Variants in TENM3 observed in about 807,000 individuals in gnomAD.
The protein encoded by TENM3 is teneurin transmembrane protein 3, also known as teneurin-3.
A neutral mutation model predicts 255.1 loss-of-function variants in TENM3; 63 were observed. That is an observed-to-expected ratio of 0.25 (90% CI 0.20 to 0.30). TENM3 has a LOEUF of 0.30. Ranked by LOEUF, TENM3 falls within the 10% of genes least tolerant of loss-of-function variation. The pLI is 1.00. For synonymous variants in TENM3, 1,306 were observed against 1,322.3 expected (o/e 0.99, Z 0.27); for missense variants, 2,929 against 3,461.1 (o/e 0.85, Z 3.86).
intron 4 of TENM3, among the ~76,000 whole-genome samples, chr4:182,602,982 C>T (rs62339118): frequency 0.12 from 18,369 of 152,086 alleles, 1,929 homozygotes; most frequent in East Asian, 0.54. Flanking sequence ...TTATAAAACA[C>T]AAAAGCCTCA....
At chr4:181,571,471 G>A in the TENM3 span, among the ~76,000 whole-genome samples, 132 of 151,952 alleles carry the variant, frequency 8.7e-4, no homozygotes, top group Non-Finnish European at 1.5e-3. Flanking sequence ...TGAGTAGCTG[G>A]GACTACAGGT....
intron 13 of TENM3, among the ~76,000 whole-genome samples, chr4:182,725,984 A>G (rs1432946043): frequency 6.6e-6 from 1 of 152,178 alleles, no homozygotes; most frequent in Non-Finnish European, 1.5e-5. Context: ...AGAAATAAAC[A>G]TGCAGTTTCA....
the TENM3 span, among the ~76,000 whole-genome samples, chr4:182,119,534 C>A: frequency 2.0e-5 from 3 of 152,062 alleles, no homozygotes; most frequent in African/African-American, 7.2e-5. Context: ...TATGTACCTG[C>A]CCATTTATCT....
the TENM3 span, among the ~76,000 whole-genome samples, chr4:181,615,391 A>G: frequency 6.6e-6 from 1 of 152,198 alleles, no homozygotes; most frequent in African/African-American, 2.4e-5. Flanking sequence ...CTATCACTTA[A>G]TGAATATCCC....
chr4:181,990,822 C>T, the TENM3 span, among the ~76,000 whole-genome samples: 1 of 152,040 alleles, frequency 6.6e-6, no homozygotes, highest in Non-Finnish European at 1.5e-5. Context: ...GAATGCCAAG[C>T]AGACAATTTG....
chr4:181,670,560 CA>C, the TENM3 span, among the ~76,000 whole-genome samples: 1 of 152,070 alleles, frequency 6.6e-6, no homozygotes, highest in Non-Finnish European at 1.5e-5. Flanking sequence ...AAAATACTAG[CA>C]ATATTAAGTA....
the TENM3 span, among the ~76,000 whole-genome samples, chr4:181,839,923 A>T: frequency 6.6e-6 from 1 of 151,910 alleles, no homozygotes; most frequent in Admixed American, 6.6e-5. Flanking sequence ...AAATTGATTG[A>T]CGTCTTTTCA....
the TENM3 span, among the ~76,000 whole-genome samples, chr4:181,671,828 C>T: frequency 0.15 from 22,889 of 151,910 alleles, 2,379 homozygotes; most frequent in Non-Finnish European, 0.22. Context: ...TAACATGATT[C>T]CTTCTGATGC....
chr4:182,392,026 C>T (rs576777185), intron 3 of TENM3, among the ~76,000 whole-genome samples: 10 of 152,284 alleles, frequency 6.6e-5, no homozygotes, highest in African/African-American at 2.4e-4. Flanking sequence ...AGATTTTTCC[C>T]CATTTTTAGT....
At chr4:181,461,582 G>A in the TENM3 span, among the ~76,000 whole-genome samples, 2 of 151,976 alleles carry the variant, frequency 1.3e-5, no homozygotes, top group South Asian at 4.2e-4. Context: ...CTTCATTTTG[G>A]ATTATTTCTA....
intron 3 of TENM3, among the ~76,000 whole-genome samples, chr4:182,423,562 T>A (rs1239877082): frequency 6.6e-6 from 1 of 152,118 alleles, no homozygotes; most frequent in Non-Finnish European, 1.5e-5. Context: ...AACTAAAAGT[T>A]AGAAATGAGC....
the TENM3 span, among the ~76,000 whole-genome samples, chr4:181,470,113 A>AC: frequency 8.2e-6 from 1 of 122,044 alleles, no homozygotes; most frequent in Non-Finnish European, 1.9e-5. Flanking sequence ...TTCTGTAAAA[A>AC]AAAAAAAAAA....
intron 3 of TENM3, among the ~76,000 whole-genome samples, chr4:182,579,288 A>G (rs912125897): frequency 2.6e-5 from 4 of 152,210 alleles, no homozygotes; most frequent in Non-Finnish European, 4.4e-5. Context: ...CTCAGAGCAC[A>G]TATCTAGTCA....
chr4:181,929,041 G>A, the TENM3 span, among the ~76,000 whole-genome samples: 1 of 151,988 alleles, frequency 6.6e-6, no homozygotes, highest in Non-Finnish European at 1.5e-5. Context: ...ACTAAATATG[G>A]AACGAAAAAC....
chr4:181,513,622 C>T, the TENM3 span, among the ~76,000 whole-genome samples: 1 of 152,226 alleles, frequency 6.6e-6, no homozygotes, highest in East Asian at 1.9e-4. Flanking sequence ...TTGCAAACTT[C>T]TGGCCTAATA....
At chr4:182,685,015 A>G (rs1370132456) in intron 11 of TENM3, among the ~76,000 whole-genome samples, 1 of 152,092 alleles carries the variant, frequency 6.6e-6, no homozygotes, top group African/African-American at 2.4e-5. Context: ...TTTATCTGCT[A>G]CTCTTTACCT....
intron 1 of TENM3, among the ~76,000 whole-genome samples, chr4:182,202,299 CT>C (rs773698031): frequency 0.065 from 6,526 of 100,580 alleles, 84 homozygotes; most frequent in African/African-American, 0.074. Flanking sequence ...GTGCACTGCA[CT>C]TTTTTTTTTT....
chr4:182,780,172 G>A (rs1327142290), intron 24 of TENM3, among the ~76,000 whole-genome samples: 1 of 152,040 alleles, frequency 6.6e-6, no homozygotes, highest in East Asian at 1.9e-4. Context: ...TTTCTTCTAG[G>A]GCTTTTATGG....
chr4:182,129,080 T>C, the TENM3 span, among the ~76,000 whole-genome samples: 9 of 152,312 alleles, frequency 5.9e-5, no homozygotes, highest in South Asian at 8.3e-4. Context: ...AAGGCGGGAA[T>C]AGGGTTACAT....
Sources: gnomAD v4.1 joint callset for allele counts (sites outside exome capture counted in the v4.1 genomes callset) on GRCh38, gnomAD v4.1.1 for gene constraint, MANE v1.5 for transcripts, NCBI Gene and HGNC (gene_info 2026-07-23, HGNC 2026-07-21) for gene names.